The following HEMGN variants were observed in gnomAD, a reference collection of about 807,000 sequenced individuals.
The protein encoded by HEMGN is hemogen, also known as erythroid differentiation-associated gene protein.
Under a neutral mutation model 45.7 loss-of-function variants are expected in HEMGN, and 32 were observed. The ratio of observed to expected loss-of-function variants is 0.70; its 90% CI spans 0.53 to 0.94. HEMGN has a LOEUF of 0.94. Among genes scored for constraint, HEMGN ranks in the 40% least tolerant of loss-of-function variants. HEMGN has a pLI of 0.00. For synonymous variants in HEMGN, 183 were observed against 178.6 expected, an observed-to-expected ratio of 1.02 and a Z score of -0.20; for missense variants, 530 against 564.2, an observed-to-expected ratio of 0.94 and a Z score of 0.61.
At chr9:97,929,622 C>G (rs1345922810) in intron 3 of HEMGN, among the ~76,000 whole-genome samples, 1 of 152,110 alleles carries the variant, frequency 6.6e-6, no homozygotes, top group Non-Finnish European at 1.5e-5. Context: ...CAGCTTTTAT[C>G]TCCCTCAGTA....
At chr9:97,932,155 T>G (rs1005330048) in intron 2 of HEMGN, among the ~76,000 whole-genome samples, 10 of 152,218 alleles carry the variant, frequency 6.6e-5, no homozygotes, top group African/African-American at 2.4e-4. Context: ...GGGTGTACCA[T>G]GCTAAAGGCA....
intron 2 of HEMGN, among the ~76,000 whole-genome samples, chr9:97,935,142 C>T (rs1827035043): frequency 6.6e-6 from 1 of 152,168 alleles, no homozygotes; most frequent in Admixed American, 6.5e-5. Context: ...AATCATGAAC[C>T]AACACAACCC....
chr9:97,929,918 C>T, intron 3 of HEMGN, 117 bp downstream of exon 3: 1 of 759,394 alleles, frequency 1.3e-6, no homozygotes, highest in Non-Finnish European at 2.2e-6. Flanking sequence ...TAAAACTAGT[C>T]AATGAAATTC....
rs745544667 is a variant in HEMGN at position 97,931,171 on chromosome 9, C to T, written c.224G>A (p.Gly75Asp). 10 of 1,612,094 alleles carry T rather than the reference C, an allele frequency of 6.2e-6. No homozygotes were observed. In the Admixed American group the frequency reaches 1.7e-4, roughly 27 times the overall value. ...TTCTGTGTTTTGTTGTCTCTTTCTG[C>T]CTCTTCGATTTCCTTTTCCTGTTCT... Reference protein sequence around the residue: ...QQRTGKGNRRGRKRQQNTELK... With the variant: ...QQRTGKGNRRDRKRQQNTELK... Residue 75 changes from glycine to aspartate, a missense_variant, in exon 3 of 4, where the codon GGC (glycine) becomes GAC (aspartate). Coordinates refer to ENST00000616898, the MANE Select transcript of HEMGN (RefSeq NM_197978.3).
chr9:97,935,397 A>G (rs906548450), intron 2 of HEMGN, among the ~76,000 whole-genome samples: 2 of 152,212 alleles, frequency 1.3e-5, no homozygotes, highest in African/African-American at 4.8e-5. Context: ...TTTTGTTGTC[A>G]CAGCTGGGGT....
In HEMGN at chr9:97,926,991, GA is replaced by G. The variant is rs1276512718; in HGVS notation, c.*392del. ...TGATGCTACTGTTACATTAATAATT[GA>G]ACAGCATTTACAAGAAAACTATATA... On this transcript the variant is annotated 3_prime_UTR_variant, in exon 4 of 4. Transcript: ENST00000616898. 1.3e-5 allele frequency: 2 copies of G among 153,630 alleles called. No individual in the cohort carries two copies. The highest frequency in any genetic ancestry group is 2.9e-5 in the Non-Finnish European group (2 of 69,124). The allele number at this position is 153,630 out of a possible 1,614,324, so 9.5% of individuals were successfully genotyped here. A position where few individuals can be genotyped will look rare whatever the true frequency, so the allele number is the denominator to read the frequency against.
chr9:97,943,157 G>A (rs924081847), upstream of HEMGN, among the ~76,000 whole-genome samples: 2 of 152,268 alleles, frequency 1.3e-5, no homozygotes, highest in African/African-American at 4.8e-5. Flanking sequence ...GAGATCATGG[G>A]AGCTTTTTAT....
In HEMGN at chr9:97,927,365, A is replaced by G. The variant is rs1229334033; in HGVS notation, c.*19T>C. On this transcript the variant is annotated 3_prime_UTR_variant, in exon 4 of 4. Coordinates refer to ENST00000616898, the MANE Select transcript of HEMGN (RefSeq NM_197978.3). ...AAGCTGTATGTTCCATTGGACCACA[A>G]CTTTATGGTTGAGCATTGTTAAAAC... The G allele has an allele frequency of 3.5e-6, 5 of 1,434,856 alleles. No homozygotes were observed. Among genetic ancestry groups the G allele is most frequent in the South Asian group, 2.5e-5 (2 of 80,322 alleles). 88.9% of individuals were successfully genotyped at this position (1,434,856 alleles called of 1,614,324 possible).
upstream of HEMGN, among the ~76,000 whole-genome samples, chr9:97,940,351 C>T (rs1827134109): frequency 6.6e-6 from 1 of 152,124 alleles, no homozygotes; most frequent in Non-Finnish European, 1.5e-5. Flanking sequence ...CCACCCCTGC[C>T]CCATGTTCCC....
upstream of HEMGN, among the ~76,000 whole-genome samples, chr9:97,940,725 C>T (rs889285444): frequency 6.6e-6 from 1 of 152,176 alleles, no homozygotes; most frequent in Non-Finnish European, 1.5e-5. Context: ...ATACATAAAC[C>T]TCTCTCTAGG....
Position 97,927,288 on chromosome 9 carries a change from G to C in HEMGN, c.*96C>G. The C allele has an allele frequency of 1.5e-6, 1 of 687,602 alleles. No homozygotes were observed. The highest frequency in any genetic ancestry group is 2.5e-6 in the Non-Finnish European group (1 of 394,916). 42.6% of individuals were successfully genotyped at this position (687,602 alleles called of 1,614,324 possible). The stretch of plus-strand genomic sequence containing the variant: ...TACAAATAGAAAAAATAATATTAAT[G>C]AGCATTGTCAAAAGTTTTACAATAT... On this transcript the variant is annotated 3_prime_UTR_variant, in exon 4 of 4. Coordinates refer to ENST00000616898, the MANE Select transcript of HEMGN (RefSeq NM_197978.3).
rs1391377848 is a variant in HEMGN at position 97,930,713 on chromosome 9, G to A, written c.682C>T (p.Leu228=). The change falls in exon 3 of 4, where the codon CTG becomes TTG. Residue 228 remains leucine (L), a synonymous_variant. Transcript: ENST00000616898. ...MYQDMAKRED[L]APKMCQEAAV... ...GCTTCTTGGCACATTTTAGGAGCCA[G>A]ATCTTCTCGTTTAGCCATATCTTGG... is the stretch of plus-strand genomic sequence containing the variant. The A allele has an allele frequency of 6.2e-7, 1 of 1,614,084 alleles. No homozygotes were observed. Among genetic ancestry groups the A allele is most frequent in the African/African-American group, 1.3e-5 (1 of 74,928 alleles).
intron 2 of HEMGN, among the ~76,000 whole-genome samples, chr9:97,934,864 CA>C (rs1193317589): frequency 6.6e-5 from 10 of 152,232 alleles, no homozygotes; most frequent in Non-Finnish European, 1.3e-4. Context: ...ATAGTAAATG[CA>C]AATATAGTGT....
Position 97,931,143 on chromosome 9 carries a change from C to G in HEMGN, c.252G>C (p.Leu84Phe). The G allele has an allele frequency of 6.2e-7, 1 of 1,614,116 alleles. No individual in the cohort carries two copies. The highest frequency in any genetic ancestry group is 1.3e-5 in the African/African-American group (1 of 75,030). The change falls in exon 3 of 4, where the codon TTG becomes TTC. Residue 84 changes from leucine to phenylalanine, a missense_variant. Physicochemically the swap from Leu to Phe is conservative, Grantham distance 22 (BLOSUM62 0). Transcript: ENST00000616898. ...RGRKRQQNTELKVEPQPQIEK... is the reference protein window; with the variant it reads ...RGRKRQQNTEFKVEPQPQIEK... ...CTATCTGTGGCTGAGGCTCCACCTT[C>G]AATTCTGTGTTTTGTTGTCTCTTTC...
chr9:97,940,658 A>C (rs1827139155), upstream of HEMGN, among the ~76,000 whole-genome samples: 1 of 152,250 alleles, frequency 6.6e-6, no homozygotes. Context: ...TGTGTTAGGC[A>C]TTAAAGTCCA....
rs147951470 is a variant in HEMGN, at chr9:97,931,145, A to G, written c.250T>C (p.Leu84=). ...ATCTGTGGCTGAGGCTCCACCTTCA[A>G]TTCTGTGTTTTGTTGTCTCTTTCTG... ...RGRKRQQNTE[L]KVEPQPQIEK... is the part of the protein sequence containing the mutation. The change falls in exon 3 of 4, where the codon TTG becomes CTG. Residue 84 remains leucine (L), a synonymous_variant. Transcript: ENST00000616898. 31 of 1,613,852 alleles carry G rather than the reference A, an allele frequency of 1.9e-5. No homozygotes were observed. The East Asian group carries it at 5.8e-4, about 30-fold the overall frequency.
chr9:97,938,007 TA>T (rs754440894), intron 1 of HEMGN, 50 bp downstream of exon 1: 30 of 982,894 alleles, frequency 3.1e-5, no homozygotes, highest in Non-Finnish European at 9.4e-6. Flanking sequence ...AAAATTATCA[TA>T]CCCCGAATTC....
At chr9:97,932,263 T>C (rs1826968162) in intron 2 of HEMGN, among the ~76,000 whole-genome samples, 1 of 152,178 alleles carries the variant, frequency 6.6e-6, no homozygotes, top group South Asian at 2.1e-4. Flanking sequence ...AACCAGTGTT[T>C]TTTACATCTT....
intron 3 of HEMGN, 124 bp downstream of exon 3, chr9:97,929,911 A>C: frequency 1.3e-6 from 1 of 742,364 alleles, no homozygotes; most frequent in Non-Finnish European, 2.3e-6. Flanking sequence ...GTTCACTTAA[A>C]ACTAGTCAAT....
Sources: allele counts gnomAD v4.1 joint callset (sites outside exome capture counted in the v4.1 genomes callset), GRCh38; gene constraint gnomAD v4.1.1; transcripts MANE v1.5; gene names NCBI Gene and HGNC (gene_info 2026-07-23, HGNC 2026-07-21).